GMDS: variants seen among roughly 807,000 people sequenced by gnomAD.
GMDS encodes GDP-mannose 4,6 dehydratase.
Under a neutral mutation model 49.9 loss-of-function variants are expected in GMDS, and 20 were observed. The ratio of observed to expected loss-of-function variants is 0.40; its 90% CI spans 0.28 to 0.58. The LOEUF (loss-of-function observed/expected upper bound fraction) is 0.58, where lower values mean the gene tolerates loss of function less well. Among genes scored for constraint, GMDS ranks in the 20% least tolerant of loss-of-function variants. The pLI, the probability that GMDS is intolerant of heterozygous loss-of-function variation, is 0.42. For missense variants in GMDS, 362 were observed against 481.4 expected, an observed-to-expected ratio of 0.75 and a Z score of 2.32; for synonymous variants, 177 against 178.6, an observed-to-expected ratio of 0.99 and a Z score of 0.07.
intron 9 of GMDS, among the ~76,000 whole-genome samples, chr6:1,718,606 C>T (rs933782650): frequency 1.3e-5 from 2 of 152,136 alleles, no homozygotes; most frequent in African/African-American, 4.8e-5. Flanking sequence ...TTCGCAGCTG[C>T]TTCCCTTTCA....
chr6:1,700,846 C>T (rs1765518430), intron 9 of GMDS, among the ~76,000 whole-genome samples: 1 of 152,066 alleles, frequency 6.6e-6, no homozygotes, highest in African/African-American at 2.4e-5. Flanking sequence ...GCCATCCCAG[C>T]CCCAGTTCTG....
intron 4 of GMDS, among the ~76,000 whole-genome samples, chr6:1,983,989 G>A (rs1034207696): frequency 2.6e-5 from 4 of 152,166 alleles, no homozygotes; most frequent in Non-Finnish European, 4.4e-5. Flanking sequence ...ATCAATGATA[G>A]ACTGAATTAA....
chr6:1,655,518 C>T (rs1384279541), intron 9 of GMDS, among the ~76,000 whole-genome samples: 1 of 77,292 alleles, frequency 1.3e-5, no homozygotes, highest in Non-Finnish European at 2.5e-5. Flanking sequence ...CACACACACA[C>T]ATATTTTTTT....
At chr6:1,741,582 G>A (rs908287849) in intron 8 of GMDS, among the ~76,000 whole-genome samples, 1 of 151,842 alleles carries the variant, frequency 6.6e-6, no homozygotes, top group Non-Finnish European at 1.5e-5. Flanking sequence ...AGGCCAAGGC[G>A]GGTGGATCAC....
At chr6:2,197,825 G>A (rs1291181298) in intron 1 of GMDS, among the ~76,000 whole-genome samples, 1 of 152,180 alleles carries the variant, frequency 6.6e-6, no homozygotes, top group Non-Finnish European at 1.5e-5. Context: ...TGGAAGCCAC[G>A]TTCTCACAGA....
intron 8 of GMDS, among the ~76,000 whole-genome samples, chr6:1,729,033 C>T (rs1313692151): frequency 6.6e-6 from 1 of 151,984 alleles, no homozygotes; most frequent in Non-Finnish European, 1.5e-5. Flanking sequence ...GTTGCCCACT[C>T]CTGCTTCGGC....
chr6:2,228,437 G>A (rs77640673), intron 1 of GMDS, among the ~76,000 whole-genome samples: 1,731 of 152,254 alleles, frequency 0.011, 30 homozygotes, highest in African/African-American at 0.04. Flanking sequence ...TTTTAAACAG[G>A]TAAAACTGCT....
intron 7 of GMDS, among the ~76,000 whole-genome samples, chr6:1,926,515 G>A (rs1256886922): frequency 6.6e-6 from 1 of 152,082 alleles, no homozygotes; most frequent in East Asian, 1.9e-4. Context: ...TAAATGAGAT[G>A]GTATTATGAC....
intron 6 of GMDS, among the ~76,000 whole-genome samples, chr6:1,945,643 C>T (rs1205545861): frequency 6.6e-6 from 1 of 152,018 alleles, no homozygotes; most frequent in Non-Finnish European, 1.5e-5. Context: ...GGGGTCATGG[C>T]CTGCACCCGT....
At chr6:2,135,871 G>C (rs9503104) in intron 1 of GMDS, among the ~76,000 whole-genome samples, 1 of 151,952 alleles carries the variant, frequency 6.6e-6, no homozygotes, top group Non-Finnish European at 1.5e-5. Context: ...TCATATTAAA[G>C]TCTCCAAAAT....
intron 1 of GMDS, among the ~76,000 whole-genome samples, chr6:2,243,843 C>CTTTTTTTTTTTTT (rs68171156): frequency 1.4e-4 from 8 of 58,150 alleles, no homozygotes; most frequent in African/African-American, 4.8e-4. Context: ...ACTTCTCCTT[C>CTTTTTTTTTTTTT]TTTTTTTTTT....
At chr6:1,844,746 A>C (rs761614699) in intron 7 of GMDS, among the ~76,000 whole-genome samples, 20 of 152,230 alleles carry the variant, frequency 1.3e-4, no homozygotes, top group Non-Finnish European at 2.5e-4. Flanking sequence ...AGCAACTTTC[A>C]GTGACATTAA....
At chr6:2,093,154 G>C (rs1011693053) in intron 4 of GMDS, among the ~76,000 whole-genome samples, 2 of 152,000 alleles carry the variant, frequency 1.3e-5, no homozygotes, top group African/African-American at 4.8e-5. Context: ...CCAACTACAC[G>C]GACTGTGAAT....
intron 7 of GMDS, among the ~76,000 whole-genome samples, chr6:1,780,459 C>T (rs901565537): frequency 2.6e-5 from 4 of 152,224 alleles, no homozygotes; most frequent in East Asian, 1.9e-4. Context: ...TTCCTGAGAG[C>T]GCTTCCTCTG....
rs562551044 is a variant in GMDS, at chr6:2,134,281, T to C, written c.103-9550A>G. 2.0e-5 allele frequency among the ~76,000 whole-genome samples: 3 copies of C among 152,350 alleles called. No homozygotes were observed. The South Asian group carries it at 6.2e-4, about 32-fold the overall frequency. On this transcript the variant is annotated intron_variant, in intron 1 of 10. Transcript: ENST00000380815. The stretch of plus-strand genomic sequence containing the variant: ...TTAGGTTGTTCTTTATTTTGTTGCT[T>C]TGCTTTCTTTTGCCAACAGCAGCGG...
chr6:1,628,862 C>T (rs1166597659), intron 9 of GMDS, among the ~76,000 whole-genome samples: 1 of 152,124 alleles, frequency 6.6e-6, no homozygotes, highest in Non-Finnish European at 1.5e-5. Flanking sequence ...TTCTTTTTTT[C>T]CCTTCTACTT....
chr6:2,209,570 TACACACACACAC>T lies in GMDS; in HGVS notation c.102+35739_102+35750del, dbSNP rs61216869. On this transcript the variant is annotated intron_variant, in intron 1 of 10. Coordinates refer to ENST00000380815, the MANE Select transcript of GMDS (RefSeq NM_001500.4). ...TAATACACATACATACACATACACATACACACACACACACACACACACACACACACACACGTT... is the reference window on the plus strand; with the variant it reads ...TAATACACATACATACACATACACATACACACACACACACACACACACGTT... Among the ~76,000 whole-genome samples, 94 of 135,990 alleles carry T rather than the reference TACACACACACAC, an allele frequency of 6.9e-4. 1 individual carries two copies. Among genetic ancestry groups the T allele is most frequent in the Middle Eastern group, 3.6e-3 (1 of 280 alleles). 89.2% of individuals were successfully genotyped at this position (135,990 alleles called of 152,430 possible).
intron 1 of GMDS, among the ~76,000 whole-genome samples, chr6:2,139,260 C>T (rs1248565467): frequency 1.3e-5 from 2 of 152,178 alleles, no homozygotes; most frequent in Non-Finnish European, 2.9e-5. Flanking sequence ...ACTTGCATCA[C>T]TATAAGCTGC....
intron 6 of GMDS, among the ~76,000 whole-genome samples, chr6:1,936,707 C>T (rs1261979257): frequency 6.6e-6 from 1 of 152,194 alleles, no homozygotes; most frequent in African/African-American, 2.4e-5. Context: ...TGGCTCACGC[C>T]TGTAATCCCA....
Sources: allele counts gnomAD v4.1 joint callset (sites outside exome capture counted in the v4.1 genomes callset), GRCh38; gene constraint gnomAD v4.1.1; transcripts MANE v1.5; gene names NCBI Gene and HGNC (gene_info 2026-07-23, HGNC 2026-07-21).